The following SLC26A7 variants were observed in gnomAD, a reference collection of about 807,000 sequenced individuals.
The protein encoded by SLC26A7 is solute carrier family 26 member 7, also known as anion exchange transporter.
In SLC26A7, 59 loss-of-function variants were observed where a neutral mutation model predicts 82.5. That is an observed-to-expected ratio of 0.72 (90% CI 0.58 to 0.89). The LOEUF is 0.89. Ranked by LOEUF, SLC26A7 falls within the 40% of genes least tolerant of loss-of-function variation. The pLI, the probability that SLC26A7 is intolerant of heterozygous loss-of-function variation, is 0.00. For missense variants in SLC26A7, 820 were observed against 793.0 expected (o/e 1.03, Z -0.41); for synonymous variants, 271 against 274.3 (o/e 0.99, Z 0.12).
chr8:91,297,214 T>G (rs924469912), intron 4 of SLC26A7, among the ~76,000 whole-genome samples: 2 of 152,120 alleles, frequency 1.3e-5, no homozygotes, highest in African/African-American at 4.8e-5. Flanking sequence ...GTATTAGTTT[T>G]AGGTATATAT....
intron 5 of SLC26A7, among the ~76,000 whole-genome samples, chr8:91,324,108 TG>T (rs1336986928): frequency 3.9e-5 from 6 of 152,218 alleles, no homozygotes; most frequent in Non-Finnish European, 5.9e-5. Flanking sequence ...ATTACAGGCA[TG>T]AGCCACTGCA....
chr8:91,380,247 G>A (rs780282771), intron 15 of SLC26A7, among the ~76,000 whole-genome samples: 17 of 151,920 alleles, frequency 1.1e-4, no homozygotes, highest in Non-Finnish European at 1.9e-4. Context: ...GTTTATGACC[G>A]GCAGTGTTTT....
intron 4 of SLC26A7, among the ~76,000 whole-genome samples, chr8:91,300,066 G>T (rs1463943325): frequency 6.6e-6 from 1 of 152,126 alleles, no homozygotes; most frequent in Non-Finnish European, 1.5e-5. Flanking sequence ...ACTTTTATTG[G>T]GATTGTGTTA....
chr8:91,296,721 G>T (rs1586376968), intron 4 of SLC26A7, among the ~76,000 whole-genome samples: 1 of 152,192 alleles, frequency 6.6e-6, no homozygotes, highest in Non-Finnish European at 1.5e-5. Flanking sequence ...CAGCTCATTT[G>T]CTTAGGAGAC....
chr8:91,281,124 C>A lies in SLC26A7; in HGVS notation c.194-8012C>A, dbSNP rs115327397. On this transcript the variant is annotated intron_variant, in intron 2 of 18. Coordinates refer to ENST00000276609, the MANE Select transcript of SLC26A7 (RefSeq NM_052832.4). ...TCAGATTGCTTTAAAAAGTCTTAAT[C>A]AAAAATGTTTAAATTGCATAGGTTT... Among the ~76,000 whole-genome samples the A allele has an allele frequency of 6.9e-3, 1,045 of 152,194 alleles. 9 individuals carry two copies. Among genetic ancestry groups the A allele is most frequent in the African/African-American group, 0.023 (948 of 41,512 alleles).
In SLC26A7 at chr8:91,323,920, T is replaced by G. The variant is rs111939307; in HGVS notation, c.642+5540T>G. Among the ~76,000 whole-genome samples, 220 of 150,350 alleles carry G rather than the reference T, an allele frequency of 1.5e-3. 2 individuals are homozygous for G. The highest frequency in any genetic ancestry group is 5.3e-3 in the African/African-American group (217 of 40,824). On this transcript the variant is annotated intron_variant, in intron 5 of 18. Coordinates refer to ENST00000276609, the MANE Select transcript of SLC26A7 (RefSeq NM_052832.4). The stretch of plus-strand genomic sequence containing the variant: ...TGCAACCTCCACCTCCCGGGTTCAA[T>G]GGTTCAAGCAATTCTCGTGCCTCAG...
chr8:91,241,988 T>C (rs944394531), intron 2 of SLC26A7, among the ~76,000 whole-genome samples: 1 of 152,228 alleles, frequency 6.6e-6, no homozygotes, highest in African/African-American at 2.4e-5. Flanking sequence ...AAACACTATT[T>C]GGCAGTGTTC....
In SLC26A7 at chr8:91,310,966, G is replaced by T. The variant is rs148895162; in HGVS notation, c.478-7250G>T. On this transcript the variant is annotated intron_variant, in intron 4 of 18. Transcript: ENST00000276609. Reference sequence around the variant, plus strand: ...AGCTTTCTAATAAACTTTCAATCCTGCTGTAAAACTTGTCTCAGTCTCTCC... The same window carrying T: ...AGCTTTCTAATAAACTTTCAATCCTTCTGTAAAACTTGTCTCAGTCTCTCC... 3.7e-3 allele frequency among the ~76,000 whole-genome samples: 555 copies of T among 151,826 alleles called. 4 individuals are homozygous for T. The highest frequency in any genetic ancestry group is 0.012 in the South Asian group (57 of 4,802).
chr8:91,219,273 T>A lies in SLC26A7; in HGVS notation c.-34+268T>A, dbSNP rs1399811071. ...TGGCAAGTGAGTTATTTTTTCCTGCTGTTTTATGACTACCACTCCCCTTTT... is the reference window on the plus strand; with the variant it reads ...TGGCAAGTGAGTTATTTTTTCCTGCAGTTTTATGACTACCACTCCCCTTTT... On this transcript the variant is annotated intron_variant, in intron 2 of 5. Coordinates refer to the SLC26A7 transcript ENST00000522862. 2.0e-5 allele frequency: 5 copies of A among 255,008 alleles called. No individual in the cohort carries two copies. The East Asian group carries it at 3.6e-4, about 18-fold the overall frequency. The allele number at this position is 255,008 out of a possible 1,614,324, so 15.8% of individuals were successfully genotyped here.
At chr8:91,316,837 G>C (rs983107211) in intron 4 of SLC26A7, among the ~76,000 whole-genome samples, 1 of 151,470 alleles carries the variant, frequency 6.6e-6, no homozygotes, top group African/African-American at 2.4e-5. Context: ...GGTAAAGGAA[G>C]AACATTAGTC....
At chr8:91,391,793 A>G (rs1161954940) in intron 16 of SLC26A7, among the ~76,000 whole-genome samples, 1 of 151,326 alleles carries the variant, frequency 6.6e-6, no homozygotes, top group Non-Finnish European at 1.5e-5. Context: ...TATTTTGAGA[A>G]ACACTAGGAT....
rs764801205 is a variant in SLC26A7 at position 91,393,830 on chromosome 8, G to T, written c.1810G>T (p.Val604Leu). ...YMDCKGRSVD[V>L]LLAHCTASLI... is the part of the protein sequence containing the mutation. ...GGACTGTAAAGGCAGGAGTGTGGAT[G>T]TATTGTTAGCCCATTGTACAGGTAA... Residue 604 changes from valine to leucine, a missense_variant, in exon 17 of 19, where the codon GTA (valine) becomes TTA (leucine). Physicochemically the swap from Val to Leu is conservative, Grantham distance 32. Coordinates refer to ENST00000276609, the MANE Select transcript of SLC26A7 (RefSeq NM_052832.4). The T allele has an allele frequency of 4.3e-6, 7 of 1,613,664 alleles. No homozygotes were observed. The East Asian group carries it at 1.6e-4, about 36-fold the overall frequency.
At chr8:91,223,219 T>C (rs901916521) in intron 2 of SLC26A7, among the ~76,000 whole-genome samples, 8 of 152,086 alleles carry the variant, frequency 5.3e-5, no homozygotes, top group Non-Finnish European at 1.2e-4. Context: ...TTGATTCTTC[T>C]CTCTCTTCTT....
intron 2 of SLC26A7, among the ~76,000 whole-genome samples, chr8:91,271,996 G>A (rs1811285411): frequency 6.6e-6 from 1 of 152,182 alleles, no homozygotes; most frequent in Non-Finnish European, 1.5e-5. Flanking sequence ...TGGGGAAAGA[G>A]TGTCAGGATC....
chr8:91,353,312 G>A (rs1161906299), intron 11 of SLC26A7, among the ~76,000 whole-genome samples: 1 of 152,032 alleles, frequency 6.6e-6, no homozygotes, highest in Non-Finnish European at 1.5e-5. Context: ...GACTTACCAG[G>A]GAAATAGACA....
chr8:91,318,003 TA>T (rs1323764252), intron 4 of SLC26A7, among the ~76,000 whole-genome samples: 76 of 139,896 alleles, frequency 5.4e-4, no homozygotes, highest in African/African-American at 1.3e-3. Context: ...AAAATTAAAT[TA>T]AAAAAAAAAG....
chr8:91,219,142 G>C, intron 2 of SLC26A7: 1 of 422,744 alleles, frequency 2.4e-6, no homozygotes. Flanking sequence ...CCATTATAAC[G>C]TTCCCAATCT....
In SLC26A7 at chr8:91,249,810, T is replaced by C. The variant is rs1810610621; in HGVS notation, c.159T>C (p.Ser53=). The change falls in exon 2 of 19, where the codon TCT becomes TCC. Residue 53 remains serine, a synonymous_variant. Coordinates refer to ENST00000276609, the MANE Select transcript of SLC26A7 (RefSeq NM_052832.4). ...LKENLLPDTV[S]GIMLAVQQVT... ...AAAACTTGCTTCCAGACACTGTGTC[T>C]GGGATAATGTTGGCAGTTCAACAGG... 6.2e-7 allele frequency: 1 copy of C among 1,608,020 alleles called. No individual in the cohort carries two copies. The highest frequency in any genetic ancestry group is 2.2e-5 in the East Asian group (1 of 44,786).
chr8:91,261,776 CAAAG>C (rs1355183707), intron 2 of SLC26A7, among the ~76,000 whole-genome samples: 1 of 152,062 alleles, frequency 6.6e-6, no homozygotes, highest in Non-Finnish European at 1.5e-5. Flanking sequence ...AGTTAGTGTG[CAAAG>C]CATAGCTCCA....
Sources: allele counts gnomAD v4.1 joint callset (sites outside exome capture counted in the v4.1 genomes callset), GRCh38; gene constraint gnomAD v4.1.1; transcripts MANE v1.5; gene names NCBI Gene and HGNC (gene_info 2026-07-23, HGNC 2026-07-21).